Variants in ZNF804A observed in about 807,000 individuals in gnomAD.
ZNF804A encodes the protein zinc finger protein 804A.
ZNF804A carries 2 observed loss-of-function variants against 16.5 expected under a neutral mutation model. That is an observed-to-expected ratio of 0.12 (90% CI 0.05 to 0.38). The LOEUF (loss-of-function observed/expected upper bound fraction) is 0.38. Among genes scored for constraint, ZNF804A ranks in the 10% least tolerant of loss-of-function variants. ZNF804A has a pLI of 0.99. For synonymous variants in ZNF804A, 534 were observed against 489.6 expected, an observed-to-expected ratio of 1.09 and a Z score of -1.20; for missense variants, 1,473 against 1,390.7, an observed-to-expected ratio of 1.06 and a Z score of -0.94.
At chr2:184,929,820 AACC>A (rs1685668545) in intron 2 of ZNF804A, among the ~76,000 whole-genome samples, 10 of 152,114 alleles carry the variant, frequency 6.6e-5, no homozygotes, top group Admixed American at 6.6e-4. Context: ...CCCAACATCC[AACC>A]CTTTTTTTCT....
intron 1 of ZNF804A, among the ~76,000 whole-genome samples, chr2:184,626,801 T>G (rs1292209964): frequency 6.6e-6 from 1 of 152,210 alleles, no homozygotes; most frequent in African/African-American, 2.4e-5. Context: ...CATGTTAATT[T>G]TTTCTTCAAA....
chr2:184,871,299 A>G (rs963473221), intron 2 of ZNF804A, among the ~76,000 whole-genome samples: 1 of 151,602 alleles, frequency 6.6e-6, no homozygotes, highest in Non-Finnish European at 1.5e-5. Flanking sequence ...TACCACTGTG[A>G]GCTTTGTAAC....
At chr2:184,861,710 G>T (rs1695802063) in intron 1 of ZNF804A, among the ~76,000 whole-genome samples, 1 of 152,166 alleles carries the variant, frequency 6.6e-6, no homozygotes, top group Non-Finnish European at 1.5e-5. Flanking sequence ...AGGCTACTAT[G>T]AATTGCGTCA....
At chr2:184,736,120 A>G (rs985697461) in intron 1 of ZNF804A, among the ~76,000 whole-genome samples, 6 of 152,122 alleles carry the variant, frequency 3.9e-5, no homozygotes, top group Admixed American at 3.9e-4. Context: ...TCATTCTAAC[A>G]CATGCACATG....
intron 2 of ZNF804A, among the ~76,000 whole-genome samples, chr2:184,898,247 A>T (rs1234728366): frequency 6.6e-6 from 1 of 152,178 alleles, no homozygotes; most frequent in East Asian, 1.9e-4. Flanking sequence ...CTATCTGCAC[A>T]TAAGTGAGTT....
chr2:184,736,552 G>A (rs1329861859), intron 1 of ZNF804A, among the ~76,000 whole-genome samples: 1 of 152,048 alleles, frequency 6.6e-6, no homozygotes, highest in African/African-American at 2.4e-5. Context: ...CATGGACACA[G>A]GCAGGGTAGC....
intron 2 of ZNF804A, among the ~76,000 whole-genome samples, chr2:184,929,962 C>T (rs1408382496): frequency 6.6e-6 from 1 of 152,162 alleles, no homozygotes; most frequent in Non-Finnish European, 1.5e-5. Flanking sequence ...CCAGTGATTG[C>T]TGTTATCTCT....
chr2:184,659,674 G>C (rs1692136117), intron 1 of ZNF804A, among the ~76,000 whole-genome samples: 1 of 151,964 alleles, frequency 6.6e-6, no homozygotes, highest in African/African-American at 2.4e-5. Flanking sequence ...CTCAGGCATG[G>C]CTGACCCCAA....
At chr2:184,787,660 G>C (rs771837303) in intron 1 of ZNF804A, among the ~76,000 whole-genome samples, 1 of 151,856 alleles carries the variant, frequency 6.6e-6, no homozygotes, top group Non-Finnish European at 1.5e-5. Flanking sequence ...CTTCTTTTGA[G>C]AGATATCTGT....
chr2:184,646,556 C>A (rs1212736037), intron 1 of ZNF804A, among the ~76,000 whole-genome samples: 1 of 152,106 alleles, frequency 6.6e-6, no homozygotes, highest in Non-Finnish European at 1.5e-5. Context: ...TGCTACATAC[C>A]CAAGCAGATC....
At chr2:184,677,873 C>A (rs918186330) in intron 1 of ZNF804A, among the ~76,000 whole-genome samples, 4 of 151,888 alleles carry the variant, frequency 2.6e-5, no homozygotes, top group African/African-American at 9.7e-5. Flanking sequence ...TATTGGAATT[C>A]GGTCCCACCA....
chr2:184,864,995 C>T (rs1695853320), intron 1 of ZNF804A, among the ~76,000 whole-genome samples: 1 of 150,458 alleles, frequency 6.6e-6, no homozygotes, highest in African/African-American at 2.5e-5. Context: ...ATTCTCCTGC[C>T]TCGGCCTCCG....
At chr2:184,664,495 A>T (rs1333857592) in intron 1 of ZNF804A, among the ~76,000 whole-genome samples, 1 of 152,198 alleles carries the variant, frequency 6.6e-6, no homozygotes, top group South Asian at 2.1e-4. Flanking sequence ...ATCCTAAACT[A>T]TTTGTAAGTT....
intron 2 of ZNF804A, among the ~76,000 whole-genome samples, chr2:184,924,059 G>C (rs1342741848): frequency 6.6e-6 from 1 of 151,114 alleles, no homozygotes; most frequent in African/African-American, 2.4e-5. Flanking sequence ...TCTTTTCCTG[G>C]TTTTGGTATC....
At chr2:184,688,654 G>T (rs1692680274) in intron 1 of ZNF804A, among the ~76,000 whole-genome samples, 1 of 151,934 alleles carries the variant, frequency 6.6e-6, no homozygotes, top group Non-Finnish European at 1.5e-5. Context: ...CTTGACAAGG[G>T]ATATAAAACT....
intron 1 of ZNF804A, among the ~76,000 whole-genome samples, chr2:184,739,934 C>G (rs1196509945): frequency 6.6e-6 from 1 of 152,114 alleles, no homozygotes; most frequent in African/African-American, 2.4e-5. Flanking sequence ...TTTAAACATT[C>G]ATTTTCTTCA....
At chr2:184,743,802 C>A (rs1235222933) in intron 1 of ZNF804A, among the ~76,000 whole-genome samples, 3 of 151,792 alleles carry the variant, frequency 2.0e-5, no homozygotes, top group Non-Finnish European at 2.9e-5. Flanking sequence ...TAATTTATAA[C>A]AGAATAAACT....
intron 1 of ZNF804A, among the ~76,000 whole-genome samples, chr2:184,654,115 C>T (rs1413802727): frequency 6.6e-6 from 1 of 152,206 alleles, no homozygotes; most frequent in Admixed American, 6.5e-5. Flanking sequence ...TGACTAGCTA[C>T]CTACTCTAAC....
At chr2:184,733,424 A>T (rs995403477) in intron 1 of ZNF804A, among the ~76,000 whole-genome samples, 1 of 151,966 alleles carries the variant, frequency 6.6e-6, no homozygotes, top group Non-Finnish European at 1.5e-5. Context: ...GTTGGATTTG[A>T]TTTGATATAA....
Sources: allele counts gnomAD v4.1 joint callset (sites outside exome capture counted in the v4.1 genomes callset), GRCh38; gene constraint gnomAD v4.1.1; transcripts MANE v1.5; gene names NCBI Gene and HGNC (gene_info 2026-07-23, HGNC 2026-07-21).